The following PFDN1 variants were observed in gnomAD, a reference collection of about 807,000 sequenced individuals.
PFDN1 encodes prefoldin subunit 1.
In PFDN1, 6 loss-of-function variants were observed where a neutral mutation model predicts 17.3. That is an observed-to-expected ratio of 0.35 (90% CI 0.19 to 0.69). PFDN1 has a LOEUF of 0.69. Among genes scored for constraint, PFDN1 ranks in the 30% least tolerant of loss-of-function variants. The probability of loss-of-function intolerance (pLI) is 0.65; values close to 1 mark genes in which losing one functional copy is unlikely to be tolerated. For synonymous variants in PFDN1, 58 were observed against 50.1 expected (o/e 1.16, Z -0.67); for missense variants, 113 against 146.2 (o/e 0.77, Z 1.17).
Position 140,246,025 on chromosome 5 carries a change from C to G in PFDN1, c.318G>C (p.Lys106Asn). The change falls in exon 4 of 4, where the codon AAG (lysine) becomes AAC (asparagine). Residue 106 changes from lysine (K) to asparagine (N), a missense_variant. Transcript: ENST00000261813. ...QKKSYLERSV[K>N]EAEDNIREML... is the part of the protein sequence containing the mutation. The stretch of plus-strand genomic sequence containing the variant: ...TCTCCCGGATGTTGTCCTCAGCTTC[C>G]TTAACGCTTCGCTCCAGGTAGGACT... 6.4e-7 allele frequency: 1 copy of G among 1,562,738 alleles called. No homozygotes were observed. The highest frequency in any genetic ancestry group is 1.9e-5 in the Admixed American group (1 of 52,566).
chr5:140,302,906 G>A, intron 1 of PFDN1, 135 bp downstream of exon 1: 1 of 762,908 alleles, frequency 1.3e-6, no homozygotes. Flanking sequence ...GAGGCCTTAG[G>A]ACTCTGGGAA....
At chr5:140,255,006 G>A (rs1764965049) in intron 3 of PFDN1, among the ~76,000 whole-genome samples, 1 of 152,168 alleles carries the variant, frequency 6.6e-6, no homozygotes, top group Non-Finnish European at 1.5e-5. Flanking sequence ...GTTGCTGGAG[G>A]AAAATGCTAA....
chr5:140,260,474 T>A (rs371967488), intron 3 of PFDN1, among the ~76,000 whole-genome samples: 1 of 151,642 alleles, frequency 6.6e-6, no homozygotes, highest in African/African-American at 2.4e-5. Flanking sequence ...ATAAACAAAA[T>A]GTGGTACATC....
In PFDN1 at chr5:140,245,222, A is replaced by AC. The variant is rs1352912260; in HGVS notation, c.*751dup. The AC allele has an allele frequency of 2.6e-6, 1 of 390,906 alleles. No individual in the cohort carries two copies. The highest frequency in any genetic ancestry group is 4.6e-6 in the Non-Finnish European group (1 of 217,998). 24.2% of individuals were successfully genotyped at this position (390,906 alleles called of 1,614,324 possible). Reference sequence around the variant, plus strand: ...GGCTGGGATGAGCCAGCTGGATCACACCGTTGCCCCCTCAGCCTCTAGGAG... The same window carrying AC: ...GGCTGGGATGAGCCAGCTGGATCACACCCGTTGCCCCCTCAGCCTCTAGGAG... On this transcript the variant is annotated 3_prime_UTR_variant, in exon 4 of 4. Transcript: ENST00000261813.
chr5:140,301,510 CT>C lies in PFDN1; in HGVS notation c.34-929del, dbSNP rs776051918. Among the ~76,000 whole-genome samples the C allele has an allele frequency of 3.3e-5, 5 of 152,226 alleles. No individual in the cohort carries two copies. In the East Asian group the frequency reaches 9.6e-4, roughly 29 times the overall value. On this transcript the variant is annotated intron_variant, in intron 1 of 3. Transcript: ENST00000261813. ...GCTACTACATAATTTTTATTGTGAC[CT>C]TGTTTTCACCTACTAGTAAGGTTTT...
chr5:140,295,314 G>A (rs1345309924), intron 2 of PFDN1, among the ~76,000 whole-genome samples: 1 of 152,038 alleles, frequency 6.6e-6, no homozygotes, highest in Non-Finnish European at 1.5e-5. Context: ...ACTATGCAAA[G>A]TAGAAAAGGA....
intron 2 of PFDN1, among the ~76,000 whole-genome samples, chr5:140,292,568 G>A (rs912554146): frequency 1.3e-5 from 2 of 152,108 alleles, no homozygotes; most frequent in Admixed American, 1.3e-4. Context: ...CCTCTTCAAA[G>A]TGAAAAGCAT....
chr5:140,275,571 A>G (rs1266519209), intron 3 of PFDN1, among the ~76,000 whole-genome samples: 1 of 152,210 alleles, frequency 6.6e-6, no homozygotes, highest in Non-Finnish European at 1.5e-5. Flanking sequence ...AGGGCACAAC[A>G]TGACAAAGCT....
intron 3 of PFDN1, among the ~76,000 whole-genome samples, chr5:140,278,157 A>G (rs1765327837): frequency 6.6e-6 from 1 of 152,006 alleles, no homozygotes; most frequent in Non-Finnish European, 1.5e-5. Context: ...GCAGTGAGCC[A>G]AGATCATGCC....
At chr5:140,277,431 A>G (rs1480945754) in intron 3 of PFDN1, among the ~76,000 whole-genome samples, 1 of 152,174 alleles carries the variant, frequency 6.6e-6, no homozygotes, top group Non-Finnish European at 1.5e-5. Flanking sequence ...AAAGGTGGGG[A>G]AAAATTCCAA....
chr5:140,288,166 C>T (rs1012204341), intron 2 of PFDN1, among the ~76,000 whole-genome samples: 12 of 152,190 alleles, frequency 7.9e-5, no homozygotes, highest in African/African-American at 2.9e-4. Flanking sequence ...CCAAAATATT[C>T]TTCAATAAGT....
intron 3 of PFDN1, among the ~76,000 whole-genome samples, chr5:140,248,446 G>GT (rs1369559597): frequency 3.3e-5 from 5 of 152,152 alleles, no homozygotes; most frequent in African/African-American, 9.7e-5. Context: ...ACTAAAGAAT[G>GT]TATGTCCACT....
chr5:140,296,387 G>C (rs1223943463), intron 2 of PFDN1, among the ~76,000 whole-genome samples: 1 of 152,108 alleles, frequency 6.6e-6, no homozygotes, highest in Non-Finnish European at 1.5e-5. Context: ...TGGTCTCCCA[G>C]AGCTGACAAT....
chr5:140,260,508 CAT>C (rs1305638968), intron 3 of PFDN1, among the ~76,000 whole-genome samples: 1 of 151,462 alleles, frequency 6.6e-6, no homozygotes, highest in Non-Finnish European at 1.5e-5. Context: ...ATTATTCAGA[CAT>C]AAAAACGAGA....
intron 3 of PFDN1, among the ~76,000 whole-genome samples, chr5:140,275,101 T>A (rs572621207): frequency 6.6e-6 from 1 of 152,066 alleles, no homozygotes; most frequent in Admixed American, 6.6e-5. Flanking sequence ...AGTAAGACTA[T>A]CTTCCCACCA....
chr5:140,291,135 C>T (rs1317315510), intron 2 of PFDN1, among the ~76,000 whole-genome samples: 1 of 152,094 alleles, frequency 6.6e-6, no homozygotes, highest in African/African-American at 2.4e-5. Flanking sequence ...AATGGGAGGC[C>T]ATTTGACTAC....
At chr5:140,278,349 C>T (rs186781999) in intron 3 of PFDN1, among the ~76,000 whole-genome samples, 46 of 151,378 alleles carry the variant, frequency 3.0e-4, no homozygotes, top group African/African-American at 1.1e-3. Context: ...GGGTGGATCA[C>T]AAGGTCAGGA....
At chr5:140,253,043 G>A (rs1050336889) in intron 3 of PFDN1, among the ~76,000 whole-genome samples, 2 of 152,212 alleles carry the variant, frequency 1.3e-5, no homozygotes, top group African/African-American at 2.4e-5. Flanking sequence ...GAGCTACACC[G>A]CTGGGAGACA....
At chr5:140,278,331 G>A (rs1765331223) in intron 3 of PFDN1, among the ~76,000 whole-genome samples, 1 of 151,836 alleles carries the variant, frequency 6.6e-6, no homozygotes, top group African/African-American at 2.4e-5. Flanking sequence ...ACTTTGGGAG[G>A]CCAAGGTGGG....
Sources: gnomAD v4.1 joint callset for allele counts (sites outside exome capture counted in the v4.1 genomes callset) on GRCh38, gnomAD v4.1.1 for gene constraint, MANE v1.5 for transcripts, NCBI Gene and HGNC (gene_info 2026-07-23, HGNC 2026-07-21) for gene names.